Variants in KCNH7 observed in about 807,000 individuals in gnomAD.
KCNH7 encodes potassium voltage-gated channel subfamily H member 7.
In KCNH7, 49 loss-of-function variants were observed where a neutral mutation model predicts 120.8. That is an observed-to-expected ratio of 0.41 (90% CI 0.32 to 0.51). KCNH7 has a LOEUF of 0.51. Ranked by LOEUF, KCNH7 falls within the 20% of genes least tolerant of loss-of-function variation. The probability of loss-of-function intolerance (pLI) is 0.38; values close to 1 mark genes in which losing one functional copy is unlikely to be tolerated. For synonymous variants in KCNH7, 547 were observed against 516.1 expected (o/e 1.06, Z -0.81); for missense variants, 1,097 against 1,446.6 (o/e 0.76, Z 3.92).
At chr2:162,807,971 C>T (rs369870341) in intron 2 of KCNH7, among the ~76,000 whole-genome samples, 1 of 152,126 alleles carries the variant, frequency 6.6e-6, no homozygotes, top group African/African-American at 2.4e-5. Context: ...CGTGAGCCAC[C>T]GCTCCCAGCC....
chr2:162,717,446 A>G (rs766594974), intron 2 of KCNH7, among the ~76,000 whole-genome samples: 4 of 152,070 alleles, frequency 2.6e-5, no homozygotes, highest in Non-Finnish European at 4.4e-5. Flanking sequence ...GGAAAGGTCC[A>G]TCTCTCTTAT....
At chr2:162,612,273 G>A (rs1361292765) in intron 2 of KCNH7, among the ~76,000 whole-genome samples, 1 of 152,094 alleles carries the variant, frequency 6.6e-6, no homozygotes. Flanking sequence ...GAATATTAAT[G>A]GTTATGTAAG....
At chr2:162,789,981 A>T (rs140490889) in intron 2 of KCNH7, among the ~76,000 whole-genome samples, 1,771 of 152,028 alleles carry the variant, frequency 0.012, 34 homozygotes, top group African/African-American at 0.04. Context: ...AACAGAAAAA[A>T]ATCAAACTAT....
chr2:162,579,543 C>T (rs6718959), intron 2 of KCNH7, among the ~76,000 whole-genome samples: 78,466 of 151,866 alleles, frequency 0.52, 20,519 homozygotes, highest in Middle Eastern at 0.62. Flanking sequence ...GTTTGACATA[C>T]GGGTTTCAGG....
intron 2 of KCNH7, among the ~76,000 whole-genome samples, chr2:162,676,271 T>C (rs535431653): frequency 2.6e-4 from 40 of 151,606 alleles, no homozygotes; most frequent in African/African-American, 9.6e-4. Flanking sequence ...ATAAAAAAGT[T>C]TGTTAAGGTT....
intron 2 of KCNH7, among the ~76,000 whole-genome samples, chr2:162,799,418 T>G (rs1166421993): frequency 3.3e-5 from 5 of 151,952 alleles, no homozygotes; most frequent in Admixed American, 3.3e-4. Context: ...TGGAACCACA[T>G]GAAGCATAGG....
chr2:162,551,680 T>A (rs1056569342), intron 2 of KCNH7, among the ~76,000 whole-genome samples: 2 of 152,100 alleles, frequency 1.3e-5, no homozygotes, highest in African/African-American at 4.8e-5. Flanking sequence ...AAGCAGAATG[T>A]ATTGCACGTA....
intron 6 of KCNH7, among the ~76,000 whole-genome samples, chr2:162,470,222 G>A (rs1689461609): frequency 1.3e-5 from 2 of 151,600 alleles, no homozygotes; most frequent in Admixed American, 1.3e-4. Context: ...GGAAAGTGAG[G>A]AGCCTCTCTG....
chr2:162,548,905 T>C, intron 2 of KCNH7, among the ~76,000 whole-genome samples: 1 of 152,090 alleles, frequency 6.6e-6, no homozygotes, highest in East Asian at 1.9e-4. Flanking sequence ...ATAAAGAAAA[T>C]ATCAAAGAGT....
intron 6 of KCNH7, among the ~76,000 whole-genome samples, chr2:162,471,158 T>G (rs1406550018): frequency 6.6e-6 from 1 of 151,974 alleles, no homozygotes; most frequent in Middle Eastern, 3.2e-3. Context: ...CTTTGTTCAC[T>G]TGTTTATCTG....
intron 9 of KCNH7, among the ~76,000 whole-genome samples, chr2:162,407,477 T>C (rs1054371718): frequency 6.6e-6 from 1 of 152,010 alleles, no homozygotes; most frequent in African/African-American, 2.4e-5. Flanking sequence ...GTGTGGGTGA[T>C]GATGTGTAGG....
chr2:162,631,256 A>T (rs1683757330), intron 2 of KCNH7, among the ~76,000 whole-genome samples: 1 of 152,150 alleles, frequency 6.6e-6, no homozygotes, highest in Non-Finnish European at 1.5e-5. Context: ...CCCTACTGGG[A>T]ATACCACTCT....
At chr2:162,745,931 G>A (rs552599700) in intron 2 of KCNH7, among the ~76,000 whole-genome samples, 1 of 151,556 alleles carries the variant, frequency 6.6e-6, no homozygotes, top group South Asian at 2.1e-4. Flanking sequence ...CTAAGCCAAA[G>A]TTTGCTACCT....
At position 162,838,539 on chromosome 2, in the gene KCNH7, G is replaced by T; in HGVS notation, c.-21C>A. 1 of 1,603,328 alleles carries T rather than the reference G, an allele frequency of 6.2e-7. No homozygotes were observed. The highest frequency in any genetic ancestry group is 1.1e-5 in the South Asian group (1 of 90,854). Reference sequence around the variant, plus strand: ...GGCATGTTGGCCCCGGTCTTCCGAGGAGCGCTCCCCCGGAGCTCTGGAGTT... The same window carrying T: ...GGCATGTTGGCCCCGGTCTTCCGAGTAGCGCTCCCCCGGAGCTCTGGAGTT... On this transcript the variant is annotated 5_prime_UTR_variant, in exon 1 of 16. Coordinates refer to ENST00000332142, the MANE Select transcript of KCNH7 (RefSeq NM_033272.4).
chr2:162,494,820 G>T (rs1690440270), intron 6 of KCNH7, among the ~76,000 whole-genome samples: 1 of 152,048 alleles, frequency 6.6e-6, no homozygotes, highest in South Asian at 2.1e-4. Flanking sequence ...AAGCATATGG[G>T]ACTCATAAAG....
intron 2 of KCNH7, among the ~76,000 whole-genome samples, chr2:162,728,633 C>T (rs1220631744): frequency 6.6e-6 from 1 of 152,104 alleles, no homozygotes; most frequent in East Asian, 1.9e-4. Flanking sequence ...ACAAAATTAG[C>T]CGGGCTTGGA....
chr2:162,406,969 T>C (rs1244498536), intron 9 of KCNH7, among the ~76,000 whole-genome samples: 1 of 152,042 alleles, frequency 6.6e-6, no homozygotes, highest in Non-Finnish European at 1.5e-5. Flanking sequence ...TGAACTCTTA[T>C]AGGTGTTTTA....
chr2:162,665,679 T>C (rs1206786247), intron 2 of KCNH7, among the ~76,000 whole-genome samples: 2 of 152,164 alleles, frequency 1.3e-5, no homozygotes, highest in Admixed American at 6.6e-5. Flanking sequence ...TCTTGGGTTG[T>C]TACTAAGAAA....
At chr2:162,744,235 G>A (rs1402544857) in intron 2 of KCNH7, among the ~76,000 whole-genome samples, 1 of 152,144 alleles carries the variant, frequency 6.6e-6, no homozygotes, top group African/African-American at 2.4e-5. Flanking sequence ...GGCCCACCTT[G>A]TTAAATGCAA....
Sources: allele counts gnomAD v4.1 joint callset (sites outside exome capture counted in the v4.1 genomes callset), GRCh38; gene constraint gnomAD v4.1.1; transcripts MANE v1.5; gene names NCBI Gene and HGNC (gene_info 2026-07-23, HGNC 2026-07-21).